LAMA2: variants seen among roughly 807,000 people sequenced by gnomAD.
LAMA2 encodes laminin subunit alpha 2.
A neutral mutation model predicts 364.8 loss-of-function variants in LAMA2; 269 were observed. The ratio of observed to expected loss-of-function variants is 0.74; its 90% confidence interval spans 0.67 to 0.82. LAMA2 has a LOEUF of 0.82. Among genes scored for constraint, LAMA2 ranks in the 40% least tolerant of loss-of-function variants. The probability of loss-of-function intolerance (pLI) is 0.00; values close to 1 mark genes in which losing one functional copy is unlikely to be tolerated. For missense variants in LAMA2, 3,807 were observed against 3,873.2 expected, an observed-to-expected ratio of 0.98 and a Z score of 0.45; for synonymous variants, 1,379 against 1,370.6, an observed-to-expected ratio of 1.01 and a Z score of -0.14.
chr6:129,395,066 G>C (rs1052327663), intron 37 of LAMA2, among the ~76,000 whole-genome samples: 5 of 151,980 alleles, frequency 3.3e-5, no homozygotes, highest in African/African-American at 9.7e-5. Flanking sequence ...AAAATCACAT[G>C]GGGTGTTTGT....
At chr6:129,218,929 A>C (rs1210003592) in intron 12 of LAMA2, among the ~76,000 whole-genome samples, 1 of 152,186 alleles carries the variant, frequency 6.6e-6, no homozygotes. Flanking sequence ...CATCTACCTT[A>C]ATGATGGTAT....
chr6:128,929,233 A>G lies in LAMA2; in HGVS notation c.112+45876A>G, dbSNP rs147464852. On this transcript the variant is annotated intron_variant, in intron 1 of 64. Coordinates refer to ENST00000421865, the MANE Select transcript of LAMA2 (RefSeq NM_000426.4). ...AGCGCCTTCTGAGCTTCTTCCTCTGATTGATGTACTGTAAGAGACCGTCAA... is the reference window on the plus strand; with the variant it reads ...AGCGCCTTCTGAGCTTCTTCCTCTGGTTGATGTACTGTAAGAGACCGTCAA... 1,027 of 1,483,698 alleles carry G rather than the reference A, an allele frequency of 6.9e-4. 4 individuals are homozygous for G. In the African/African-American group the frequency reaches 0.013, roughly 19 times the overall value. The allele number at this position is 1,483,698 out of a possible 1,614,324, so 91.9% of individuals were successfully genotyped here.
chr6:129,511,637 C>T lies in LAMA2; in HGVS notation c.8858-726C>T, dbSNP rs370510780. Among the ~76,000 whole-genome samples the T allele has an allele frequency of 2.0e-5, 3 of 151,874 alleles. No individual in the cohort carries two copies. In the South Asian group the frequency reaches 6.2e-4, roughly 31 times the overall value. ...AATTCCCCTGAGTATTTCTCTGATA[C>T]TCAGTTCAGTTGGTGTGGTCTAGAC... On this transcript the variant is annotated intron_variant, in intron 62 of 64. Transcript: ENST00000421865.
chr6:128,933,485 C>T (rs1779621871), intron 1 of LAMA2, among the ~76,000 whole-genome samples: 1 of 152,142 alleles, frequency 6.6e-6, no homozygotes, highest in Admixed American at 6.5e-5. Flanking sequence ...TTGGAAGAAT[C>T]TCTATGCTTA....
chr6:129,383,841 C>T (rs186361477), intron 35 of LAMA2, among the ~76,000 whole-genome samples: 71 of 152,170 alleles, frequency 4.7e-4, no homozygotes, highest in African/African-American at 1.7e-3. Context: ...CATCCGCACT[C>T]GCCCCCCAAA....
At chr6:129,082,665 T>G (rs1234150504) in intron 3 of LAMA2, among the ~76,000 whole-genome samples, 1 of 152,134 alleles carries the variant, frequency 6.6e-6, no homozygotes, top group Non-Finnish European at 1.5e-5. Flanking sequence ...AATCTTATCT[T>G]TATAGCCTCT....
intron 32 of LAMA2, among the ~76,000 whole-genome samples, chr6:129,359,344 T>C (rs1777333206): frequency 6.7e-6 from 1 of 150,268 alleles, no homozygotes; most frequent in African/African-American, 2.4e-5. Context: ...ATATAAAACA[T>C]AAATATCGTT....
At chr6:129,282,169 A>T (rs1009161061) in intron 18 of LAMA2, among the ~76,000 whole-genome samples, 1 of 152,220 alleles carries the variant, frequency 6.6e-6, no homozygotes, top group African/African-American at 2.4e-5. Context: ...CTGTGATCAC[A>T]TGAGTTTGGG....
At chr6:128,950,809 T>C (rs1480708418) in intron 1 of LAMA2, among the ~76,000 whole-genome samples, 1 of 152,160 alleles carries the variant, frequency 6.6e-6, no homozygotes, top group Non-Finnish European at 1.5e-5. Context: ...ATGTTTATTA[T>C]GTATGCCCAT....
chr6:129,088,474 T>A, intron 3 of LAMA2, among the ~76,000 whole-genome samples: 1 of 129,562 alleles, frequency 7.7e-6, no homozygotes, highest in East Asian at 2.7e-4. Context: ...GGGTGGCCGG[T>A]AGAGGCGCCC....
intron 1 of LAMA2, among the ~76,000 whole-genome samples, chr6:128,889,278 G>A (rs183930347): frequency 7.9e-4 from 121 of 152,210 alleles, no homozygotes; most frequent in Middle Eastern, 3.4e-3. Context: ...AATCTCAGAC[G>A]CTAAAGTTTA....
chr6:129,435,216 G>A (rs1781777405), intron 41 of LAMA2, among the ~76,000 whole-genome samples: 1 of 152,060 alleles, frequency 6.6e-6, no homozygotes, highest in Non-Finnish European at 1.5e-5. Context: ...ACATTTGAAT[G>A]CTCCATTATT....
intron 1 of LAMA2, among the ~76,000 whole-genome samples, chr6:129,037,574 T>C (rs1400475703): frequency 2.0e-5 from 3 of 152,142 alleles, no homozygotes; most frequent in East Asian, 1.9e-4. Context: ...TGTATAAGTA[T>C]CTATTGGTAT....
chr6:129,065,300 ATAC>A (rs1789219514), intron 3 of LAMA2, among the ~76,000 whole-genome samples: 1 of 152,222 alleles, frequency 6.6e-6, no homozygotes, highest in African/African-American at 2.4e-5. Flanking sequence ...AGCTAACATC[ATAC>A]TCAATAGTGA....
At chr6:129,148,155 A>G (rs995534624) in intron 6 of LAMA2, among the ~76,000 whole-genome samples, 3 of 152,228 alleles carry the variant, frequency 2.0e-5, no homozygotes, top group Admixed American at 6.5e-5. Context: ...ATATGCCACC[A>G]TAGAATACTA....
intron 4 of LAMA2, among the ~76,000 whole-genome samples, chr6:129,139,452 T>C (rs555765629): frequency 2.6e-5 from 4 of 152,236 alleles, no homozygotes; most frequent in Admixed American, 1.3e-4. Context: ...CTTTACATTG[T>C]ATTGGGTATT....
intron 7 of LAMA2, among the ~76,000 whole-genome samples, chr6:129,152,099 T>C (rs1327034329): frequency 6.6e-6 from 1 of 152,170 alleles, no homozygotes; most frequent in African/African-American, 2.4e-5. Flanking sequence ...AGATCTTACA[T>C]ATCAATAAGA....
At chr6:129,078,810 C>T (rs567891212) in intron 3 of LAMA2, among the ~76,000 whole-genome samples, 3 of 152,296 alleles carry the variant, frequency 2.0e-5, no homozygotes, top group South Asian at 4.1e-4. Flanking sequence ...CTCTCTCCCC[C>T]AGTCCCTGGC....
At chr6:128,955,492 A>G (rs562675404) in intron 1 of LAMA2, among the ~76,000 whole-genome samples, 6 of 151,974 alleles carry the variant, frequency 3.9e-5, no homozygotes, top group Non-Finnish European at 7.4e-5. Context: ...TCCCTCGTTG[A>G]AACTCAAAAA....
Sources: allele counts gnomAD v4.1 joint callset (sites outside exome capture counted in the v4.1 genomes callset), GRCh38; gene constraint gnomAD v4.1.1; transcripts MANE v1.5; gene names NCBI Gene and HGNC (gene_info 2026-07-23, HGNC 2026-07-21).